The following PRPF4 variants were observed in gnomAD, a reference collection of about 807,000 sequenced individuals.
The protein encoded by PRPF4 is pre-mRNA splicing tri-snRNP complex factor PRPF4.
PRPF4 carries 14 observed loss-of-function variants against 72.2 expected under a neutral mutation model. The observed-to-expected ratio is 0.19, with a 90% CI of 0.13 to 0.30. PRPF4 has a LOEUF of 0.30. PRPF4 is among the 10% of genes least tolerant of loss of function. The pLI is 1.00. For synonymous variants in PRPF4, 225 were observed against 232.2 expected (o/e 0.97, Z 0.28); for missense variants, 478 against 653.9 (o/e 0.73, Z 2.93).
At chr9:113,290,094 C>G (rs1447043921) in intron 10 of PRPF4, among the ~76,000 whole-genome samples, 1 of 152,128 alleles carries the variant, frequency 6.6e-6, no homozygotes, top group East Asian at 1.9e-4. Flanking sequence ...GTGGCGCACA[C>G]CTGTAGTCCC....
chr9:113,282,917 T>G (rs528312195), intron 4 of PRPF4, 184 bp downstream of exon 4: 819 of 1,052,358 alleles, frequency 7.8e-4, no homozygotes, highest in Non-Finnish European at 1.0e-3. Flanking sequence ...TGGAGCTAAG[T>G]GAGTTTTCCA....
chr9:113,289,478 T>G (rs561381922), intron 10 of PRPF4, among the ~76,000 whole-genome samples: 2 of 152,332 alleles, frequency 1.3e-5, no homozygotes, highest in East Asian at 3.9e-4. Context: ...TGTTAACATT[T>G]GGTGTTGTCA....
chr9:113,285,581 T>TG (rs1832420054), intron 7 of PRPF4, among the ~76,000 whole-genome samples: 1 of 151,354 alleles, frequency 6.6e-6, no homozygotes, highest in East Asian at 2.0e-4. Flanking sequence ...GGTTTCACCG[T>TG]GTTAGCCAGG....
intron 3 of PRPF4, among the ~76,000 whole-genome samples, chr9:113,279,806 A>T (rs1832221619): frequency 6.6e-6 from 1 of 152,244 alleles, no homozygotes; most frequent in African/African-American, 2.4e-5. Flanking sequence ...GAGACATCAA[A>T]TGCATTCCAT....
Position 113,275,759 on chromosome 9 carries a change from G to A in PRPF4, c.16G>A (p.Ala6Thr), listed in dbSNP as rs1315634555. 5 of 1,612,742 alleles carry A rather than the reference G, an allele frequency of 3.1e-6. No individual in the cohort carries two copies. Among genetic ancestry groups the A allele is most frequent in the East Asian group, 2.2e-5 (1 of 44,690 alleles). The change falls in exon 1 of 14, where the codon GCC becomes ACC. Residue 6 changes from alanine to threonine, a missense_variant. Coordinates refer to ENST00000374198, the MANE Select transcript of PRPF4 (RefSeq NM_001244926.2). MASSRASSTATKTKAP... is the reference protein window; with the variant it reads MASSRTSSTATKTKAP... ...AGAGCCCAGCATGGCTTCCTCGCGA[G>A]CCTCTTCCACGGTACAGAGCCCGGG...
At position 113,290,976 on chromosome 9, in the gene PRPF4, C is replaced by A; in HGVS notation, c.1332C>A (p.Ile444=). 1 of 1,614,196 alleles carries A rather than the reference C, an allele frequency of 6.2e-7. No homozygotes were observed. Among genetic ancestry groups the A allele is most frequent in the South Asian group, 1.1e-5 (1 of 91,088 alleles). Residue 444 remains isoleucine (I), a synonymous_variant, in exon 13 of 14, where the codon ATC becomes ATA. Coordinates refer to ENST00000374198, the MANE Select transcript of PRPF4 (RefSeq NM_001244926.2). The part of the protein sequence containing the change: ...DLRQRRCVYT[I]PAHQNLVTGV... ...GACAGCGGCGTTGCGTCTACACCAT[C>A]CCTGCTCATCAGAACTTAGTGACTG...
At chr9:113,286,615 A>G in intron 8 of PRPF4, 90 bp from the exon 9 acceptor site, 1 of 1,462,704 alleles carries the variant, frequency 6.8e-7, no homozygotes. Flanking sequence ...AGTCACTTGA[A>G]TACTCTGTAT....
At position 113,283,373 on chromosome 9, in the gene PRPF4, T is replaced by A; in HGVS notation, c.561-16T>A. 6.2e-7 allele frequency: 1 copy of A among 1,614,114 alleles called. No individual in the cohort carries two copies. The highest frequency in any genetic ancestry group is 8.5e-7 in the Non-Finnish European group (1 of 1,180,000). ...ACAACCCTGTTGCTCCTGGTGATGGTGTTTCTGTGTCGCAGGGCAATGAAA... is the reference window on the plus strand; with the variant it reads ...ACAACCCTGTTGCTCCTGGTGATGGAGTTTCTGTGTCGCAGGGCAATGAAA... On this transcript the variant is annotated splice_polypyrimidine_tract_variant and intron_variant, in intron 5 of 13. Coordinates refer to ENST00000374198, the MANE Select transcript of PRPF4 (RefSeq NM_001244926.2).
At chr9:113,283,992 C>T (rs1832359166) in intron 6 of PRPF4, among the ~76,000 whole-genome samples, 1 of 149,094 alleles carries the variant, frequency 6.7e-6, no homozygotes, top group Non-Finnish European at 1.5e-5. Context: ...TGCTTGAACC[C>T]GGGAGGCGGA....
chr9:113,290,664 G>A, intron 11 of PRPF4, 36 bp from the exon 12 acceptor site: 1 of 1,614,084 alleles, frequency 6.2e-7, no homozygotes, highest in East Asian at 2.2e-5. Flanking sequence ...ACAGAGAACT[G>A]GATTCAAAGT....
chr9:113,282,335 G>A (rs116096071), intron 3 of PRPF4, among the ~76,000 whole-genome samples: 1 of 152,222 alleles, frequency 6.6e-6, no homozygotes, highest in South Asian at 2.1e-4. Context: ...TTAGCCAGTT[G>A]TAGCAGTGTA....
rs1832631022 is a variant in PRPF4, at chr9:113,292,278, A to T, written c.*618A>T. Reference sequence around the variant, plus strand: ...CTCACAGCACCCAGGATTGTGACTGACTCTGCATTTTTAATTCTTGAAACT... The same window carrying T: ...CTCACAGCACCCAGGATTGTGACTGTCTCTGCATTTTTAATTCTTGAAACT... On this transcript the variant is annotated 3_prime_UTR_variant, in exon 14 of 14. Transcript: ENST00000374198. 6.6e-6 allele frequency: 1 copy of T among 152,170 alleles called. No individual in the cohort carries two copies. Among genetic ancestry groups the T allele is most frequent in the Non-Finnish European group, 1.5e-5 (1 of 68,166 alleles). The allele number at this position is 152,170 out of a possible 1,614,324, so 9.4% of individuals were successfully genotyped here.
At chr9:113,291,059 C>T (rs766212294) in intron 13 of PRPF4, 43 bp downstream of exon 13, 4 of 1,548,934 alleles carry the variant, frequency 2.6e-6, no homozygotes, top group African/African-American at 1.4e-5. Context: ...CACAGACAAA[C>T]AGTATTGTGT....
At chr9:113,290,369 C>A in intron 10 of PRPF4, 97 bp from the exon 11 acceptor site, 1 of 1,525,228 alleles carries the variant, frequency 6.6e-7, no homozygotes. Flanking sequence ...GTTTCAGAAG[C>A]ATTAATAACT....
intron 2 of PRPF4, among the ~76,000 whole-genome samples, chr9:113,278,242 G>A (rs1278536267): frequency 6.6e-6 from 1 of 152,154 alleles, no homozygotes; most frequent in African/African-American, 2.4e-5. Flanking sequence ...ATGCATATTT[G>A]TCCTAAGAAA....
chr9:113,277,637 C>T (rs902870035), intron 2 of PRPF4, among the ~76,000 whole-genome samples: 3 of 152,126 alleles, frequency 2.0e-5, no homozygotes, highest in Non-Finnish European at 4.4e-5. Context: ...CCGCCCACCT[C>T]GGCCTCCCAA....
intron 10 of PRPF4, among the ~76,000 whole-genome samples, chr9:113,289,324 A>G (rs1832541216): frequency 6.6e-6 from 1 of 152,318 alleles, no homozygotes; most frequent in South Asian, 2.1e-4. Context: ...TTCTTGTACC[A>G]GGCTTTTTGT....
intron 2 of PRPF4, among the ~76,000 whole-genome samples, chr9:113,277,850 A>G (rs1202012211): frequency 3.3e-5 from 5 of 152,174 alleles, no homozygotes; most frequent in Non-Finnish European, 5.9e-5. Flanking sequence ...AAAGTAGAAA[A>G]TTAGCTGGGC....
rs1366968632 is a variant in PRPF4 at position 113,283,174 on chromosome 9, G to A, written c.523G>A (p.Val175Met). The A allele has an allele frequency of 1.2e-6, 2 of 1,614,184 alleles. No homozygotes were observed. Among genetic ancestry groups the A allele is most frequent in the Non-Finnish European group, 1.7e-6 (2 of 1,180,040 alleles). The change falls in exon 5 of 14, where the codon GTG becomes ATG. Residue 175 changes from valine (V) to methionine (M), a missense_variant. Physicochemically the swap from Val to Met is conservative, Grantham distance 21. Transcript: ENST00000374198. The part of the protein sequence containing the change: ...WYHEGPNSLK[V>M]ARLWIANYSL... ...TCATGAAGGACCAAATAGCTTGAAGGTGGCAAGACTATGGATTGCTAATTA... is the reference window on the plus strand; with the variant it reads ...TCATGAAGGACCAAATAGCTTGAAGATGGCAAGACTATGGATTGCTAATTA...
Sources: gnomAD v4.1 joint callset for allele counts (sites outside exome capture counted in the v4.1 genomes callset) on GRCh38, gnomAD v4.1.1 for gene constraint, MANE v1.5 for transcripts, NCBI Gene and HGNC (gene_info 2026-07-23, HGNC 2026-07-21) for gene names.